SHISAL1: variants seen among roughly 807,000 people sequenced by gnomAD.
SHISAL1 encodes protein shisa-like-1.
A neutral mutation model predicts 22.6 loss-of-function variants in SHISAL1; 9 were observed. The observed-to-expected ratio is 0.40, with a 90% CI of 0.24 to 0.70. The LOEUF (loss-of-function observed/expected upper bound fraction) is 0.70. Among genes scored for constraint, SHISAL1 ranks in the 30% least tolerant of loss-of-function variants. The probability of loss-of-function intolerance (pLI) is 0.39; values close to 1 mark genes in which losing one functional copy is unlikely to be tolerated. For synonymous variants in SHISAL1, 119 were observed against 115.4 expected, an observed-to-expected ratio of 1.03 and a Z score of -0.20; for missense variants, 246 against 270.6, an observed-to-expected ratio of 0.91 and a Z score of 0.64.
rs755081471 is a variant in SHISAL1 at position 44,285,750 on chromosome 22, GAACA to G, written c.282-9_282-6del. On this transcript the variant is annotated splice_region_variant and splice_polypyrimidine_tract_variant and intron_variant, in intron 3 of 4. Transcript: ENST00000381176. ...CCCAACAAGGCGGTGTAATTGCTGC[GAACA>G]AACAGAGAGGGAGTGAGCAAGCAGA... is the stretch of plus-strand genomic sequence containing the variant. The G allele has an allele frequency of 6.2e-5, 100 of 1,605,600 alleles. 1 individual carries two copies. In the South Asian group the frequency reaches 6.5e-4, roughly 10 times the overall value.
At chr22:44,297,434 C>T (rs560760990) in intron 2 of SHISAL1, among the ~76,000 whole-genome samples, 40 of 152,318 alleles carry the variant, frequency 2.6e-4, no homozygotes, top group African/African-American at 8.2e-4. Context: ...CAGGCTGGCC[C>T]GGGTGGTGGC....
chr22:44,286,840 T>C (rs1601794017), intron 3 of SHISAL1, among the ~76,000 whole-genome samples: 1 of 152,316 alleles, frequency 6.6e-6, no homozygotes, highest in East Asian at 1.9e-4. Context: ...CCAGGGGCTG[T>C]GGCTGCCTGA....
At chr22:44,270,249 C>A (rs1231249449) in intron 4 of SHISAL1, among the ~76,000 whole-genome samples, 1 of 152,232 alleles carries the variant, frequency 6.6e-6, no homozygotes, top group Non-Finnish European at 1.5e-5. Flanking sequence ...ATCTCCCTCC[C>A]TCTTGGATGC....
At chr22:44,327,650 G>A in the SHISAL1 span, among the ~76,000 whole-genome samples, 5 of 152,074 alleles carry the variant, frequency 3.3e-5, no homozygotes, top group Admixed American at 3.3e-4. Flanking sequence ...AGGGGTCAAG[G>A]AATGTGTACC....
chr22:44,287,744 C>T (rs532979941), intron 3 of SHISAL1, among the ~76,000 whole-genome samples: 47 of 152,302 alleles, frequency 3.1e-4, no homozygotes, highest in African/African-American at 1.1e-3. Flanking sequence ...GGCCTGCAGC[C>T]CCATCCAGTA....
intron 4 of SHISAL1, among the ~76,000 whole-genome samples, chr22:44,254,847 T>G (rs2055073400): frequency 6.6e-6 from 1 of 152,144 alleles, no homozygotes; most frequent in Non-Finnish European, 1.5e-5. Flanking sequence ...GCTCTCCAGT[T>G]TCACTTCTCA....
upstream of SHISAL1, among the ~76,000 whole-genome samples, chr22:44,315,423 A>C (rs2055551834): frequency 6.6e-6 from 1 of 152,112 alleles, no homozygotes; most frequent in African/African-American, 2.4e-5. Flanking sequence ...TCCGGTTCAC[A>C]GTCCCAGGCT....
chr22:44,302,908 C>G (rs2055441931), intron 1 of SHISAL1, among the ~76,000 whole-genome samples: 1 of 122,184 alleles, frequency 8.2e-6, no homozygotes, highest in African/African-American at 4.5e-5. Context: ...GGGGCAAAGG[C>G]CCTGGGGTGG....
At chr22:44,331,106 G>A in the SHISAL1 span, among the ~76,000 whole-genome samples, 1 of 152,100 alleles carries the variant, frequency 6.6e-6, no homozygotes, top group Admixed American at 6.5e-5. This position sits in a 1 kb window ranked among gnomAD's most constrained non-coding sequence, Gnocchi z 5.2. Flanking sequence ...TCCCGGCGCG[G>A]TGCGCCCCGA....
intron 4 of SHISAL1, among the ~76,000 whole-genome samples, chr22:44,282,902 T>C (rs1009548504): frequency 6.6e-5 from 10 of 152,192 alleles, no homozygotes; most frequent in East Asian, 5.8e-4. Context: ...GGACACCACA[T>C]GGAGGCTGGG....
chr22:44,315,519 C>T (rs922794779), upstream of SHISAL1, among the ~76,000 whole-genome samples: 2 of 152,134 alleles, frequency 1.3e-5, no homozygotes, highest in Admixed American at 6.5e-5. Flanking sequence ...ACATACACCT[C>T]GTCCCTTTGA....
At chr22:44,260,795 T>G (rs2055116889) in intron 4 of SHISAL1, among the ~76,000 whole-genome samples, 1 of 152,138 alleles carries the variant, frequency 6.6e-6, no homozygotes, top group Non-Finnish European at 1.5e-5. Context: ...GGTTGTCCAT[T>G]CTGGGGTGGG....
chr22:44,280,066 C>T (rs966989204), intron 4 of SHISAL1, among the ~76,000 whole-genome samples: 1 of 152,136 alleles, frequency 6.6e-6, no homozygotes, highest in African/African-American at 2.4e-5. Context: ...CTCTTCCAGC[C>T]ACTCCCCATC....
intron 3 of SHISAL1, among the ~76,000 whole-genome samples, chr22:44,290,201 G>A (rs1005188699): frequency 1.3e-5 from 2 of 152,192 alleles, no homozygotes; most frequent in Admixed American, 1.3e-4. Context: ...CTGGAAGATG[G>A]CCGATGGCCC....
At chr22:44,275,389 C>T (rs1273174047) in intron 4 of SHISAL1, among the ~76,000 whole-genome samples, 13 of 152,242 alleles carry the variant, frequency 8.5e-5, no homozygotes, top group Admixed American at 6.5e-4. Context: ...AAGGGGCCGA[C>T]GGCGGATCAG....
rs1359281586 is a variant in SHISAL1, at chr22:44,305,818, C to T, written c.-32-4841G>A. Among the ~76,000 whole-genome samples the T allele has an allele frequency of 2.0e-5, 3 of 152,174 alleles. No homozygotes were observed. In the East Asian group the frequency reaches 5.8e-4, roughly 29 times the overall value. On this transcript the variant is annotated intron_variant, in intron 1 of 4. Coordinates refer to ENST00000381176, the MANE Select transcript of SHISAL1 (RefSeq NM_001099294.2). ...GGTCACCGTGCGATCAAAGCCGCAG[C>T]CCTGTATGCTGGACAAAAGCCCCAG...
chr22:44,280,479 G>A (rs1334888067), intron 4 of SHISAL1, among the ~76,000 whole-genome samples: 8 of 152,122 alleles, frequency 5.3e-5, no homozygotes, highest in Non-Finnish European at 1.2e-4. Flanking sequence ...TACCAAGGGG[G>A]GCAGTGTCTA....
intron 4 of SHISAL1, among the ~76,000 whole-genome samples, chr22:44,283,579 G>A (rs546349859): frequency 7.2e-4 from 109 of 152,342 alleles, no homozygotes; most frequent in African/African-American, 2.4e-3. Flanking sequence ...CCTTGAGGCC[G>A]GGGCAGGAAA....
upstream of SHISAL1, among the ~76,000 whole-genome samples, chr22:44,315,078 G>A (rs545270077): frequency 5.0e-4 from 76 of 152,232 alleles, 1 homozygote; most frequent in African/African-American, 1.8e-3. Flanking sequence ...TGACGTTCCT[G>A]CTCTCAGGCT....
Sources: gnomAD v4.1 joint callset for allele counts (sites outside exome capture counted in the v4.1 genomes callset) on GRCh38, gnomAD v4.1.1 for gene constraint, Gnocchi (gnomAD v3.1) non-coding constraint, MANE v1.5 for transcripts, NCBI Gene and HGNC (gene_info 2026-07-23, HGNC 2026-07-21) for gene names.